Variants in FMN1 observed in about 807,000 individuals in gnomAD.
FMN1 encodes formin-1.
FMN1 carries 110 observed loss-of-function variants against 132.4 expected under a neutral mutation model. That is an observed-to-expected ratio of 0.83 (90% CI 0.71 to 0.97). FMN1 has a LOEUF of 0.97. FMN1 is among the 50% of genes least tolerant of loss of function. The pLI is 0.00. For missense variants in FMN1, 1,792 were observed against 1,705.3 expected, an observed-to-expected ratio of 1.05 and a Z score of -0.90; for synonymous variants, 722 against 651.7, an observed-to-expected ratio of 1.11 and a Z score of -1.64.
chr15:33,023,765 A>C (rs1251689607), intron 6 of FMN1, among the ~76,000 whole-genome samples: 3 of 152,226 alleles, frequency 2.0e-5, no homozygotes. Flanking sequence ...GGAAGCATAT[A>C]AATAAAGCCA....
At chr15:32,995,427 C>A (rs1004600177) in intron 7 of FMN1, among the ~76,000 whole-genome samples, 1 of 152,178 alleles carries the variant, frequency 6.6e-6, no homozygotes, top group Non-Finnish European at 1.5e-5. Context: ...TCAGTGTAAG[C>A]TGAGTGTTAT....
At chr15:32,885,629 A>G (rs554398751) in intron 16 of FMN1, among the ~76,000 whole-genome samples, 14 of 152,318 alleles carry the variant, frequency 9.2e-5, no homozygotes, top group South Asian at 4.1e-4. Context: ...TAATGACACA[A>G]TAAGTTGCAG....
At chr15:33,025,684 G>T (rs1249733555) in intron 6 of FMN1, among the ~76,000 whole-genome samples, 1 of 152,046 alleles carries the variant, frequency 6.6e-6, no homozygotes, top group Non-Finnish European at 1.5e-5. Flanking sequence ...TTTATCAGTG[G>T]TATCTCACAT....
intron 20 of FMN1, 28 bp from the exon 21 acceptor site, chr15:32,774,382 C>A: frequency 6.5e-7 from 1 of 1,539,572 alleles, no homozygotes; most frequent in Non-Finnish European, 8.8e-7. Flanking sequence ...ATGAATGTAT[C>A]ATTTTCTTTC....
At chr15:33,036,950 T>TA (rs1270592954) in intron 6 of FMN1, among the ~76,000 whole-genome samples, 2 of 152,252 alleles carry the variant, frequency 1.3e-5, no homozygotes, top group East Asian at 1.9e-4. Context: ...GAGCATACTC[T>TA]ATAGAATTTA....
chr15:33,090,543 G>A (rs1420336344), intron 4 of FMN1, among the ~76,000 whole-genome samples: 3 of 151,930 alleles, frequency 2.0e-5, no homozygotes, highest in Non-Finnish European at 4.4e-5. Flanking sequence ...AAAAATGAGA[G>A]TCCAGGGCTT....
At chr15:32,910,030 C>T (rs1438036355) in intron 11 of FMN1, among the ~76,000 whole-genome samples, 1 of 152,100 alleles carries the variant, frequency 6.6e-6, no homozygotes, top group East Asian at 1.9e-4. Flanking sequence ...ATTCTAAATC[C>T]AAAACACATA....
At chr15:32,967,072 G>A (rs1366193001) in intron 8 of FMN1, among the ~76,000 whole-genome samples, 2 of 152,220 alleles carry the variant, frequency 1.3e-5, no homozygotes, top group Non-Finnish European at 2.9e-5. Flanking sequence ...CTCTCTTGAT[G>A]TCCTATTCAT....
chr15:33,190,454 A>G (rs1966034821), intron 2 of FMN1, among the ~76,000 whole-genome samples: 1 of 152,152 alleles, frequency 6.6e-6, no homozygotes, highest in Non-Finnish European at 1.5e-5. Flanking sequence ...TAATAAGTAG[A>G]CAGTTCTCTT....
chr15:32,906,144 A>T lies in FMN1; in HGVS notation c.3377+2346T>A, dbSNP rs189526038. Among the ~76,000 whole-genome samples, 6 of 152,328 alleles carry T rather than the reference A, an allele frequency of 3.9e-5. No individual in the cohort carries two copies. The East Asian group carries it at 1.2e-3, about 29-fold the overall frequency. On this transcript the variant is annotated intron_variant, in intron 12 of 20. Coordinates refer to ENST00000616417, the MANE Select transcript of FMN1 (RefSeq NM_001277313.2). ...ATAATTAGGACAGTAGCAGAAACGC[A>T]TGATCTCTCCCTGCCTGTTCATTTC... is the stretch of plus-strand genomic sequence containing the variant.
rs1363643695 is a variant in FMN1, at chr15:33,153,255, A to G, written c.1660T>C (p.Ser554Pro). 57 of 1,535,894 alleles carry G rather than the reference A, an allele frequency of 3.7e-5. No individual in the cohort carries two copies. The highest frequency in any genetic ancestry group is 5.0e-5 in the Non-Finnish European group (57 of 1,146,900). ...AAGACACGGCTCTTTCTACAAGGAG[A>G]GTCATTAAGAGCAGCTTCCCTCTCA... ...PGEREAALNDSPCRKSRVFSG... is the reference protein window; with the variant it reads ...PGEREAALNDPPCRKSRVFSG... The change falls in exon 4 of 21, where the codon TCT (serine) becomes CCT (proline). Residue 554 changes from serine (S) to proline (P), a missense_variant. Ser to Pro is a moderately conservative substitution (Grantham distance 74, BLOSUM62 -1). Transcript: ENST00000616417.
intron 18 of FMN1, among the ~76,000 whole-genome samples, chr15:32,803,537 T>C (rs1296481372): frequency 3.3e-5 from 5 of 152,172 alleles, no homozygotes; most frequent in Non-Finnish European, 7.3e-5. Flanking sequence ...AGAAGATCTC[T>C]GAGGTGTTCC....
At chr15:33,170,929 G>T (rs756562661) in intron 3 of FMN1, among the ~76,000 whole-genome samples, 1 of 152,066 alleles carries the variant, frequency 6.6e-6, no homozygotes, top group Admixed American at 6.6e-5. Context: ...TATAAAAAAG[G>T]GATACCTGCA....
At chr15:33,103,559 T>A (rs187315417) in intron 4 of FMN1, among the ~76,000 whole-genome samples, 8 of 152,076 alleles carry the variant, frequency 5.3e-5, no homozygotes, top group Admixed American at 3.3e-4. Context: ...CGAGTTCCAA[T>A]GAATGGTTCA....
intron 5 of FMN1, 108 bp from the exon 6 acceptor site, chr15:33,065,182 C>T: frequency 1.5e-6 from 1 of 662,504 alleles, no homozygotes; most frequent in South Asian, 2.2e-5. Context: ...TGGCTAGTTG[C>T]ACATTGCTCT....
At chr15:32,963,679 C>T (rs2030861693) in intron 9 of FMN1, among the ~76,000 whole-genome samples, 1 of 152,082 alleles carries the variant, frequency 6.6e-6, no homozygotes, top group Non-Finnish European at 1.5e-5. Flanking sequence ...ATAAATAAAA[C>T]CTATTTTCCA....
At chr15:33,088,066 T>G (rs543125675) in intron 5 of FMN1, among the ~76,000 whole-genome samples, 2 of 151,666 alleles carry the variant, frequency 1.3e-5, no homozygotes, top group African/African-American at 2.4e-5. Context: ...AGGGAAAGGG[T>G]TGGGGGAAGC....
intron 9 of FMN1, among the ~76,000 whole-genome samples, chr15:32,946,597 T>C (rs2061516446): frequency 6.6e-6 from 1 of 152,224 alleles, no homozygotes; most frequent in Admixed American, 6.5e-5. Flanking sequence ...CGACTTCCTC[T>C]TCTCCTAAAA....
chr15:33,189,458 T>A (rs1339805311), intron 2 of FMN1, among the ~76,000 whole-genome samples: 1 of 152,140 alleles, frequency 6.6e-6, no homozygotes, highest in Non-Finnish European at 1.5e-5. Context: ...AGGAGAATAA[T>A]TCTAATGCCT....
Sources: allele counts gnomAD v4.1 joint callset (sites outside exome capture counted in the v4.1 genomes callset), GRCh38; gene constraint gnomAD v4.1.1; transcripts MANE v1.5; gene names NCBI Gene and HGNC (gene_info 2026-07-23, HGNC 2026-07-21).